The following MGAM variants were observed in gnomAD, a reference collection of about 807,000 sequenced individuals.
MGAM encodes the protein maltase-glucoamylase.
A neutral mutation model predicts 358.8 loss-of-function variants in MGAM; 253 were observed. The observed-to-expected ratio is 0.71, with a 90% CI of 0.64 to 0.78. MGAM has a LOEUF of 0.78. Among genes scored for constraint, MGAM ranks in the 30% least tolerant of loss-of-function variants. MGAM has a pLI of 0.00. For missense variants in MGAM, 3,080 were observed against 3,432.6 expected (o/e 0.90, Z 2.57); for synonymous variants, 1,105 against 1,227.1 (o/e 0.90, Z 2.08).
chr7:142,017,425 C>T (rs1880924), intron 3 of MGAM, among the ~76,000 whole-genome samples: 16,071 of 152,198 alleles, frequency 0.11, 1,009 homozygotes, highest in East Asian at 0.21. Context: ...CACCATGTCT[C>T]TTCCCACTTC....
In MGAM at chr7:142,043,693, T is replaced by C. The variant is rs143282457; in HGVS notation, c.2498+2847T>C. ...ATATATACATATACTATCTAATATA[T>C]AATACATATATTATATATCATGTAA... On this transcript the variant is annotated intron_variant, in intron 21 of 70. Transcript: ENST00000475668. Among the ~76,000 whole-genome samples, 379 of 137,062 alleles carry C rather than the reference T, an allele frequency of 2.8e-3. 8 individuals carry two copies. Among genetic ancestry groups the C allele is most frequent in the African/African-American group, 9.7e-3 (362 of 37,296 alleles). The allele number at this position is 137,062 out of a possible 152,430, so 89.9% of individuals were successfully genotyped here. A position where few individuals can be genotyped will look rare whatever the true frequency, so the allele number is the denominator to read the frequency against.
chr7:142,031,443 C>T (rs1486767646), intron 12 of MGAM, among the ~76,000 whole-genome samples: 1 of 152,132 alleles, frequency 6.6e-6, no homozygotes, highest in Non-Finnish European at 1.5e-5. Context: ...TAGACAATGC[C>T]TTTATCCACG....
chr7:142,092,802 C>A (rs1162551320), intron 59 of MGAM, among the ~76,000 whole-genome samples, 194 bp downstream of exon 59: 1 of 146,670 alleles, frequency 6.8e-6, no homozygotes, highest in Non-Finnish European at 1.5e-5. Context: ...AGACTCATTG[C>A]ACAAATTTTT....
At chr7:142,053,026 C>T (rs1811167685) in intron 26 of MGAM, 42 bp downstream of exon 26, 2 of 1,590,276 alleles carry the variant, frequency 1.3e-6, no homozygotes, top group Non-Finnish European at 1.7e-6. Context: ...AGACCCTTTT[C>T]AGTTCCATTA....
At chr7:142,023,609 G>A (rs1170286006) in intron 7 of MGAM, among the ~76,000 whole-genome samples, 1 of 152,058 alleles carries the variant, frequency 6.6e-6, no homozygotes, top group Non-Finnish European at 1.5e-5. Flanking sequence ...AACCCGGGAG[G>A]TGGACCTTGC....
intron 57 of MGAM, among the ~76,000 whole-genome samples, chr7:142,088,113 G>C (rs569722613): frequency 1.4e-5 from 2 of 146,284 alleles, no homozygotes; most frequent in African/African-American, 4.9e-5. Context: ...GCTCTGATAG[G>C]GTAGGGAGAA....
At position 142,055,721 on chromosome 7, in the gene MGAM, C is replaced by G; in HGVS notation, c.3478C>G (p.Pro1160Ala). The G allele has an allele frequency of 3.1e-6, 5 of 1,613,882 alleles. No homozygotes were observed. The highest frequency in any genetic ancestry group is 4.2e-6 in the Non-Finnish European group (5 of 1,179,862). Residue 1160 changes from proline (P) to alanine (A), a missense_variant, in exon 28 of 71, where the codon CCA becomes GCA. Physicochemically the swap from Pro to Ala is conservative, Grantham distance 27. This residue lies in a region of MGAM where 1,816 missense variants were observed against 1,840.5 expected (regional missense o/e 0.99). Coordinates refer to ENST00000475668, the MANE Select transcript of MGAM (RefSeq NM_001365693.1). The stretch of plus-strand genomic sequence containing the variant: ...GGGGATGTTCTCCCGAGACCAGCCC[C>G]CAGGGGTAAGGACAGAGCATTTGGG... ...TWGMFSRDQPPGYKKNSYGVH... is the reference protein window; with the variant it reads ...TWGMFSRDQPAGYKKNSYGVH...
At chr7:142,069,744 C>A (rs1813173561) in intron 43 of MGAM, among the ~76,000 whole-genome samples, 1 of 145,698 alleles carries the variant, frequency 6.9e-6, no homozygotes, top group Non-Finnish European at 1.6e-5. Flanking sequence ...ATGTGTGTCC[C>A]AGCCAGGCGT....
At chr7:142,020,640 C>T (rs1380301974) in intron 4 of MGAM, among the ~76,000 whole-genome samples, 3 of 142,266 alleles carry the variant, frequency 2.1e-5, no homozygotes, top group Middle Eastern at 3.8e-3. Flanking sequence ...CTCACTCTGT[C>T]ATGCAGGCTG....
At chr7:142,005,792 A>G in intron 2 of MGAM, 135 bp downstream of exon 2, 1 of 853,676 alleles carries the variant, frequency 1.2e-6, no homozygotes, top group South Asian at 1.8e-5. Context: ...TGTGTGTTCT[A>G]TGTGTTTTGG....
chr7:142,075,782 G>A lies in MGAM; in HGVS notation c.5276-421G>A, dbSNP rs116268307. Among the ~76,000 whole-genome samples the A allele has an allele frequency of 1.4e-5, 2 of 145,928 alleles. 1 individual carries two copies. Among genetic ancestry groups the A allele is most frequent in the South Asian group, 4.4e-4 (2 of 4,556 alleles). On this transcript the variant is annotated intron_variant, in intron 45 of 70. Coordinates refer to ENST00000475668, the MANE Select transcript of MGAM (RefSeq NM_001365693.1). ...CATGGAAATCATAAAAAAGAAAGGAGAGAAGTGCTGGTGAGGGTGTGGAGA... is the reference window on the plus strand; with the variant it reads ...CATGGAAATCATAAAAAAGAAAGGAAAGAAGTGCTGGTGAGGGTGTGGAGA...
At chr7:141,994,016 C>A (rs141802297), upstream of MGAM, among the ~76,000 whole-genome samples, 2 of 152,180 alleles carry the variant, frequency 1.3e-5, no homozygotes, top group Non-Finnish European at 2.9e-5. Context: ...GCTGGGATTA[C>A]AGGCACGCAC....
In MGAM at chr7:142,077,534, A is replaced by G. The variant is rs977326726; in HGVS notation, c.5493+708A>G. On this transcript the variant is annotated intron_variant, in intron 47 of 70. Coordinates refer to ENST00000475668, the MANE Select transcript of MGAM (RefSeq NM_001365693.1). The stretch of plus-strand genomic sequence containing the variant: ...TATATGGAAAATATTAAATATTTGA[A>G]TTAATAGGATTCAAGGAAGGTTTCA... Among the ~76,000 whole-genome samples, 3 of 145,914 alleles carry G rather than the reference A, an allele frequency of 2.1e-5. 1 individual carries two copies. Among genetic ancestry groups the G allele is most frequent in the African/African-American group, 7.3e-5 (3 of 41,134 alleles).
rs111921655 is a variant in MGAM, at chr7:142,065,477, G to GC, written c.4618+9_4618+10insC. 0.036 allele frequency: 57,637 copies of GC among 1,612,936 alleles called. 2,280 individuals are homozygous for GC. Among genetic ancestry groups the GC allele is most frequent in the African/African-American group, 0.2 (14,694 of 74,944 alleles). ...GAAGAAGTCTATCATTGGTGCGTGGGTCCTTCCCCAGGGCCTTTGCCGACA... is the reference window on the plus strand; with the variant it reads ...GAAGAAGTCTATCATTGGTGCGTGGGCTCCTTCCCCAGGGCCTTTGCCGACA... On this transcript the variant is annotated intron_variant, in intron 38 of 70. Transcript: ENST00000475668.
chr7:142,042,090 TATA>T (rs1428598157), intron 21 of MGAM, among the ~76,000 whole-genome samples: 3 of 75,848 alleles, frequency 4.0e-5, no homozygotes, highest in South Asian at 7.1e-4. Context: ...ATATATAACA[TATA>T]ATATATACAT....
At chr7:142,101,822 T>C (rs1299121727) in intron 68 of MGAM, among the ~76,000 whole-genome samples, 1 of 151,062 alleles carries the variant, frequency 6.6e-6, no homozygotes, top group Non-Finnish European at 1.5e-5. Flanking sequence ...GTAGGAGAAT[T>C]GCTTGTACCC....
At chr7:142,032,947 G>A (rs782590286) in intron 14 of MGAM, 38 bp downstream of exon 14, 2 of 1,368,768 alleles carry the variant, frequency 1.5e-6, no homozygotes, top group Admixed American at 3.8e-5. Flanking sequence ...GTAGCCATAT[G>A]TATTTCATAT....
At position 142,037,544 on chromosome 7, in the gene MGAM, G is replaced by T. The variant is rs569004973; in HGVS notation, c.2231+567G>T. On this transcript the variant is annotated intron_variant, in intron 18 of 70. Transcript: ENST00000475668. ...AAATACAGTCAACTCCCTTATGTGG[G>T]TGACATATGAGGCCCTCAGGCACGT... Among the ~76,000 whole-genome samples the T allele has an allele frequency of 3.0e-4, 46 of 152,208 alleles. 2 individuals are homozygous for T. The South Asian group carries it at 9.3e-3, about 31-fold the overall frequency.
intron 6 of MGAM, 30 bp downstream of exon 6, chr7:142,021,767 G>A (rs781978034): frequency 6.2e-7 from 1 of 1,611,238 alleles, no homozygotes; most frequent in South Asian, 1.1e-5. Flanking sequence ...CTAAGGATCA[G>A]AGTAGGAAGG....
Sources: gnomAD v4.1 joint callset for allele counts (sites outside exome capture counted in the v4.1 genomes callset) on GRCh38, gnomAD v4.1.1 for gene constraint, gnomAD v4.1.1 regional missense constraint, MANE v1.5 for transcripts, NCBI Gene and HGNC (gene_info 2026-07-23, HGNC 2026-07-21) for gene names.